PDE4B: variants seen among roughly 807,000 people sequenced by gnomAD.
PDE4B encodes the protein phosphodiesterase 4B, also known as 3',5'-cyclic-AMP phosphodiesterase 4B.
A neutral mutation model predicts 82.2 loss-of-function variants in PDE4B; 20 were observed. The ratio of observed to expected loss-of-function variants is 0.24; its 90% CI spans 0.17 to 0.35. The LOEUF is 0.35. PDE4B is among the 10% of genes least tolerant of loss of function. The pLI, the probability that PDE4B is intolerant of heterozygous loss-of-function variation, is 1.00. For missense variants in PDE4B, 655 were observed against 907.2 expected, an observed-to-expected ratio of 0.72 and a Z score of 3.57; for synonymous variants, 320 against 318.9, an observed-to-expected ratio of 1.00 and a Z score of -0.04.
chr1:66,266,916 G>GC, intron 7 of PDE4B: 1 of 272,300 alleles, frequency 3.7e-6, no homozygotes. Flanking sequence ...ATCACCTAAT[G>GC]CCTGACACCT....
rs1246681340 is a variant in PDE4B, at chr1:66,363,286, T to C, written c.1119+20T>C. On this transcript the variant is annotated intron_variant, in intron 11 of 16. Transcript: ENST00000341517. ...TTCCAGGTGAGTGAACAGGAGTGAA[T>C]ACTGGCTTTCCAATTGGATGGCTCT... 6.4e-7 allele frequency: 1 copy of C among 1,567,328 alleles called. No individual in the cohort carries two copies. The highest frequency in any genetic ancestry group is 1.1e-5 in the South Asian group (1 of 87,784).
intron 1 of PDE4B, among the ~76,000 whole-genome samples, chr1:65,831,436 G>C (rs1358561803): frequency 6.6e-6 from 1 of 152,070 alleles, no homozygotes; most frequent in Non-Finnish European, 1.5e-5. Context: ...GCAGCTTTGA[G>C]GGACTGGATC....
At chr1:66,311,451 C>T (rs1033695737) in intron 7 of PDE4B, among the ~76,000 whole-genome samples, 6 of 152,250 alleles carry the variant, frequency 3.9e-5, no homozygotes, top group Non-Finnish European at 7.3e-5. Context: ...GCAGTGACTC[C>T]ATCTATGGAG....
At chr1:66,047,501 A>G (rs987197926) in intron 3 of PDE4B, among the ~76,000 whole-genome samples, 1 of 151,904 alleles carries the variant, frequency 6.6e-6, no homozygotes, top group African/African-American at 2.4e-5. Context: ...CCTAGCTACT[A>G]TACCAGGTAT....
chr1:66,139,735 C>CAAAAAAAAA (rs10654385), intron 3 of PDE4B, among the ~76,000 whole-genome samples: 10 of 100,040 alleles, frequency 1.0e-4, no homozygotes, highest in African/African-American at 3.0e-4. Flanking sequence ...CCTCCCCCCT[C>CAAAAAAAAA]AAAAAAAAAA....
chr1:66,145,505 A>G (rs537865700), intron 3 of PDE4B, among the ~76,000 whole-genome samples: 1 of 152,314 alleles, frequency 6.6e-6, no homozygotes, highest in East Asian at 1.9e-4. Flanking sequence ...CTTAGGTGCT[A>G]TGGGCTCTTA....
intron 7 of PDE4B, among the ~76,000 whole-genome samples, chr1:66,316,956 T>C (rs1177799400): frequency 6.6e-6 from 1 of 152,140 alleles, no homozygotes; most frequent in African/African-American, 2.4e-5. Flanking sequence ...TTAGGAGAAA[T>C]TGGCCAAAGG....
At chr1:65,966,743 A>G (rs1029939684) in intron 3 of PDE4B, among the ~76,000 whole-genome samples, 3 of 151,760 alleles carry the variant, frequency 2.0e-5, no homozygotes, top group African/African-American at 7.3e-5. Flanking sequence ...AAATAATGCC[A>G]TAATCCGATC....
At chr1:65,975,191 A>G (rs1232358892) in intron 3 of PDE4B, among the ~76,000 whole-genome samples, 1 of 152,224 alleles carries the variant, frequency 6.6e-6, no homozygotes, top group African/African-American at 2.4e-5. Flanking sequence ...GAACTGGAGT[A>G]AAGTTGACTC....
intron 12 of PDE4B, 28 bp downstream of exon 12, chr1:66,363,599 C>G (rs759404773): frequency 6.4e-6 from 10 of 1,571,186 alleles, no homozygotes; most frequent in Non-Finnish European, 8.7e-6. Context: ...GTTTTGCATT[C>G]CTGCCCATCC....
intron 1 of PDE4B, among the ~76,000 whole-genome samples, chr1:65,819,707 G>C (rs1645930980): frequency 6.6e-6 from 1 of 152,010 alleles, no homozygotes; most frequent in Non-Finnish European, 1.5e-5. Context: ...CACCGTGTTA[G>C]CCAGGATGGT....
intron 3 of PDE4B, among the ~76,000 whole-genome samples, chr1:65,996,498 A>C (rs1651549974): frequency 6.6e-6 from 1 of 152,116 alleles, no homozygotes; most frequent in African/African-American, 2.4e-5. Flanking sequence ...AGAGAAAAAA[A>C]ATCTGATTCA....
intron 3 of PDE4B, among the ~76,000 whole-genome samples, chr1:66,207,374 A>G (rs1282611236): frequency 6.6e-6 from 1 of 152,190 alleles, no homozygotes; most frequent in East Asian, 1.9e-4. Flanking sequence ...CTGAACCCCA[A>G]TTATTTACAT....
intron 3 of PDE4B, among the ~76,000 whole-genome samples, chr1:66,012,718 A>G (rs771102442): frequency 6.6e-6 from 1 of 152,158 alleles, no homozygotes; most frequent in Non-Finnish European, 1.5e-5. Context: ...TGAAATAGCC[A>G]AACAACTAGG....
At chr1:66,182,378 G>C (rs1647085565) in intron 3 of PDE4B, among the ~76,000 whole-genome samples, 1 of 152,072 alleles carries the variant, frequency 6.6e-6, no homozygotes, top group Non-Finnish European at 1.5e-5. Context: ...CATATATAGA[G>C]AATGATCTTT....
At chr1:65,976,132 T>G (rs1650395663) in intron 3 of PDE4B, among the ~76,000 whole-genome samples, 1 of 152,164 alleles carries the variant, frequency 6.6e-6, no homozygotes, top group African/African-American at 2.4e-5. Context: ...GTAGGGGCTG[T>G]ATGCAGTAAA....
chr1:65,897,225 A>G (rs1015777500), intron 1 of PDE4B, among the ~76,000 whole-genome samples: 1 of 152,108 alleles, frequency 6.6e-6, no homozygotes, highest in Non-Finnish European at 1.5e-5. Context: ...TTCAACCCAG[A>G]GTTTGTCTGA....
chr1:65,964,108 C>T (rs569211755), intron 3 of PDE4B, among the ~76,000 whole-genome samples: 5 of 152,166 alleles, frequency 3.3e-5, no homozygotes, highest in African/African-American at 1.2e-4. Flanking sequence ...ATAACACTTA[C>T]ACTGAGAAAA....
intron 3 of PDE4B, among the ~76,000 whole-genome samples, chr1:66,088,384 C>A (rs1220714840): frequency 1.3e-5 from 2 of 151,986 alleles, no homozygotes; most frequent in Non-Finnish European, 2.9e-5. Context: ...AAGCCTGGGG[C>A]TCAGGAGGAA....
Sources: gnomAD v4.1 joint callset for allele counts (sites outside exome capture counted in the v4.1 genomes callset) on GRCh38, gnomAD v4.1.1 for gene constraint, MANE v1.5 for transcripts, NCBI Gene and HGNC (gene_info 2026-07-23, HGNC 2026-07-21) for gene names.